The following ANO4 variants were observed in gnomAD, a reference collection of about 807,000 sequenced individuals.
The protein encoded by ANO4 is anoctamin-4.
In ANO4, 69 loss-of-function variants were observed where a neutral mutation model predicts 141.9. The ratio of observed to expected loss-of-function variants is 0.49; its 90% CI spans 0.40 to 0.59. The LOEUF is 0.59. ANO4 is among the 20% of genes least tolerant of loss of function. The probability of loss-of-function intolerance (pLI) is 0.00; values close to 1 mark genes in which losing one functional copy is unlikely to be tolerated. For missense variants in ANO4, 894 were observed against 1,162.2 expected, an observed-to-expected ratio of 0.77 and a Z score of 3.36; for synonymous variants, 350 against 394.3, an observed-to-expected ratio of 0.89 and a Z score of 1.33.
chr12:101,018,122 ATGTGC>A (rs950429404), intron 8 of ANO4, among the ~76,000 whole-genome samples: 1 of 152,194 alleles, frequency 6.6e-6, no homozygotes, highest in African/African-American at 2.4e-5. Context: ...GTGAGGCAAA[ATGTGC>A]TTTTTATTTA....
At chr12:100,790,379 C>A (rs985396374), upstream of ANO4, among the ~76,000 whole-genome samples, 2 of 152,010 alleles carry the variant, frequency 1.3e-5, no homozygotes, top group African/African-American at 4.8e-5. Flanking sequence ...AGATTGGAAC[C>A]AAGGAGAGTT....
At chr12:100,975,934 AAAAAAAAAAAG>A (rs887916989) in intron 7 of ANO4, among the ~76,000 whole-genome samples, 14 of 101,616 alleles carry the variant, frequency 1.4e-4, no homozygotes, top group African/African-American at 4.2e-4. Flanking sequence ...TTTCTGCCAA[AAAAAAAAAAAG>A]AAAAAAAAAA....
chr12:100,755,084 C>T (rs1415486601), intron 3 of ANO4, among the ~76,000 whole-genome samples: 1 of 152,142 alleles, frequency 6.6e-6, no homozygotes, highest in Non-Finnish European at 1.5e-5. Context: ...CCTTCTATAC[C>T]TGCAAAACCC....
intron 1 of ANO4, among the ~76,000 whole-genome samples, chr12:100,725,248 G>A (rs775096639): frequency 2.6e-5 from 4 of 151,580 alleles, no homozygotes; most frequent in Non-Finnish European, 4.4e-5. Context: ...TTGTGAGTGA[G>A]ATGTTTGTTT....
intron 1 of ANO4, among the ~76,000 whole-genome samples, chr12:100,880,877 C>T (rs1318627774): frequency 6.6e-6 from 1 of 152,102 alleles, no homozygotes; most frequent in African/African-American, 2.4e-5. Context: ...CTAAAATCCC[C>T]CTCTTTGTAT....
In ANO4 at chr12:100,806,525, T is replaced by G. The variant is rs1372379865; in HGVS notation, c.-141+11498T>G. On this transcript the variant is annotated intron_variant, in intron 1 of 27. Coordinates refer to ENST00000392977, the MANE Select transcript of ANO4 (RefSeq NM_001286615.2). ...TTTAGGAGGTTTTTTTTTTGTTTCG[T>G]TTTTTTTTTTTTTTTTTTTTTTTTT... Among the ~76,000 whole-genome samples the G allele has an allele frequency of 5.1e-4, 9 of 17,718 alleles. 1 individual carries two copies. The highest frequency in any genetic ancestry group is 1.8e-3 in the East Asian group (1 of 564). The allele number at this position is 17,718 out of a possible 152,430, so 11.6% of individuals were successfully genotyped here.
At chr12:101,124,038 G>T (rs893390960) in intron 26 of ANO4, among the ~76,000 whole-genome samples, 3 of 152,064 alleles carry the variant, frequency 2.0e-5, no homozygotes, top group African/African-American at 7.2e-5. Context: ...CTGAGGAATT[G>T]CCACACTGTC....
intron 7 of ANO4, among the ~76,000 whole-genome samples, chr12:100,984,675 A>G (rs2044630204): frequency 6.6e-6 from 1 of 152,198 alleles, no homozygotes; most frequent in African/African-American, 2.4e-5. Context: ...GTGGAAGGTC[A>G]TACAGCTGAG....
chr12:100,930,436 A>C (rs1230120761), intron 3 of ANO4, among the ~76,000 whole-genome samples: 1 of 152,104 alleles, frequency 6.6e-6, no homozygotes, highest in African/African-American at 2.4e-5. Context: ...TATTGAAGAG[A>C]CTGTCCTTTC....
Position 100,733,901 on chromosome 12 carries a change from G to A in ANO4, c.106+44G>A, listed in dbSNP as rs1328352487. 7 of 671,758 alleles carry A rather than the reference G, an allele frequency of 1.0e-5. No individual in the cohort carries two copies. The East Asian group carries it at 1.9e-4, about 19-fold the overall frequency. 41.6% of individuals were successfully genotyped at this position (671,758 alleles called of 1,614,324 possible). A position where few individuals can be genotyped will look rare whatever the true frequency, so the allele number is the denominator to read the frequency against. On this transcript the variant is annotated intron_variant, in intron 2 of 29. Coordinates refer to the ANO4 transcript ENST00000644049. ...TTGATTTTTTTAAAAAAATATTATT[G>A]CCTGGAAAAGCTGGAGGTCAAGGGG...
At chr12:101,013,216 A>T (rs2046175171) in intron 8 of ANO4, among the ~76,000 whole-genome samples, 1 of 152,164 alleles carries the variant, frequency 6.6e-6, no homozygotes, top group Admixed American at 6.5e-5. Context: ...GTTTTTTCTT[A>T]GACATCAAGC....
At chr12:100,745,439 A>G (rs1010513730) in intron 3 of ANO4, among the ~76,000 whole-genome samples, 14 of 152,224 alleles carry the variant, frequency 9.2e-5, no homozygotes, top group African/African-American at 3.4e-4. Context: ...ATAGACGTAA[A>G]TAAAGTTCTT....
intron 2 of ANO4, among the ~76,000 whole-genome samples, chr12:100,738,910 C>T (rs1044711358): frequency 6.6e-6 from 1 of 151,370 alleles, no homozygotes; most frequent in Non-Finnish European, 1.5e-5. Context: ...TAGACTTATT[C>T]ATATTACATA....
intron 18 of ANO4, 102 bp from the exon 19 acceptor site, chr12:101,096,434 G>T (rs2049984187): frequency 2.3e-6 from 2 of 883,326 alleles, no homozygotes; most frequent in East Asian, 5.1e-5. Flanking sequence ...AGCCTCCTCA[G>T]GACTCCTGCG....
intron 3 of ANO4, among the ~76,000 whole-genome samples, chr12:100,924,227 T>C (rs75363478): frequency 0.048 from 7,366 of 152,118 alleles, 263 homozygotes; most frequent in Admixed American, 0.1. Flanking sequence ...CCTAGGGACA[T>C]TGCATTTTCT....
intron 1 of ANO4, among the ~76,000 whole-genome samples, chr12:100,814,591 A>G (rs1035981313): frequency 1.3e-5 from 2 of 152,190 alleles, no homozygotes; most frequent in South Asian, 4.1e-4. Context: ...ATATAACCAC[A>G]TGTTAAGGCA....
rs192549871 is a variant in ANO4 at position 100,960,262 on chromosome 12, A to G, written c.457-11044A>G. Among the ~76,000 whole-genome samples the G allele has an allele frequency of 3.2e-3, 491 of 151,286 alleles. 5 individuals are homozygous for G. The highest frequency in any genetic ancestry group is 0.011 in the African/African-American group (475 of 41,324). ...TGTACATACATATTCACACACACGC[A>G]CACACACACACACACCCTATAAAGT... On this transcript the variant is annotated intron_variant, in intron 5 of 27. Transcript: ENST00000392977.
intron 17 of ANO4, among the ~76,000 whole-genome samples, chr12:101,091,815 C>G (rs2049789144): frequency 6.6e-6 from 1 of 151,784 alleles, no homozygotes; most frequent in Non-Finnish European, 1.5e-5. Context: ...CTAGATTTGT[C>G]CAGTGCTAAC....
intron 25 of ANO4, among the ~76,000 whole-genome samples, chr12:101,117,254 G>T (rs1309065104): frequency 1.3e-5 from 2 of 152,192 alleles, no homozygotes; most frequent in Admixed American, 6.5e-5. Context: ...TTCATTTCAG[G>T]TTCCACCACA....
Sources: gnomAD v4.1 joint callset for allele counts (sites outside exome capture counted in the v4.1 genomes callset) on GRCh38, gnomAD v4.1.1 for gene constraint, MANE v1.5 for transcripts, NCBI Gene and HGNC (gene_info 2026-07-23, HGNC 2026-07-21) for gene names.